RBSN: variants seen among roughly 807,000 people sequenced by gnomAD.
The protein encoded by RBSN is rabenosyn-5.
In RBSN, 34 loss-of-function variants were observed where a neutral mutation model predicts 60.5. The ratio of observed to expected loss-of-function variants is 0.56; its 90% CI spans 0.43 to 0.75. The LOEUF is 0.75. Ranked by LOEUF, RBSN falls within the 30% of genes least tolerant of loss-of-function variation. The pLI is 0.00. For synonymous variants in RBSN, 322 were observed against 366.9 expected (o/e 0.88, Z 1.40); for missense variants, 845 against 986.8 (o/e 0.86, Z 1.92).
At chr3:15,098,590 A>G (rs888640522) in intron 1 of RBSN, among the ~76,000 whole-genome samples, 4 of 152,014 alleles carry the variant, frequency 2.6e-5, no homozygotes, top group Admixed American at 2.0e-4. Context: ...CACGATCGCA[A>G]CCACAACCCA....
Position 15,080,778 on chromosome 3 carries a change from C to T in RBSN, c.865G>A (p.Val289Ile). The T allele has an allele frequency of 6.2e-7, 1 of 1,614,126 alleles. No homozygotes were observed. The highest frequency in any genetic ancestry group is 8.5e-7 in the Non-Finnish European group (1 of 1,180,020). The change falls in exon 10 of 14, where the codon GTT becomes ATT. Residue 289 changes from valine (V) to isoleucine (I), a missense_variant. Coordinates refer to ENST00000253699, the MANE Select transcript of RBSN (RefSeq NM_022340.4). Reference sequence around the variant, plus strand: ...ATGTATTCTGGAGCTTTCTGGTCAACTTTCTCCATGCAAAGTCGTAATTTC... The same window carrying T: ...ATGTATTCTGGAGCTTTCTGGTCAATTTTCTCCATGCAAAGTCGTAATTTC... ...YEKLRLCMEKVDQKAPEYIRM... is the reference protein window; with the variant it reads ...YEKLRLCMEKIDQKAPEYIRM...
At chr3:15,090,663 AT>A in intron 4 of RBSN, 124 bp from the exon 5 acceptor site, 1 of 1,357,692 alleles carries the variant, frequency 7.4e-7, no homozygotes, top group Non-Finnish European at 9.9e-7. Context: ...CACCAGAAAT[AT>A]TTAGATCTCA....
Position 15,073,767 on chromosome 3 carries a change from C to A in RBSN, c.*15G>T. 1 of 1,584,798 alleles carries A rather than the reference C, an allele frequency of 6.3e-7. No homozygotes were observed. Among genetic ancestry groups the A allele is most frequent in the Non-Finnish European group, 8.6e-7 (1 of 1,166,600 alleles). ...GCCAGACCCCTGGGCCCAAAGGTGC[C>A]CTCTCCACTGCTGGTCAGTCAGTGC... is the stretch of plus-strand genomic sequence containing the variant. On this transcript the variant is annotated 3_prime_UTR_variant, in exon 14 of 14. Coordinates refer to ENST00000253699, the MANE Select transcript of RBSN (RefSeq NM_022340.4).
At chr3:15,080,642 A>C in intron 10 of RBSN, 90 bp downstream of exon 10, 2 of 1,321,988 alleles carry the variant, frequency 1.5e-6, no homozygotes, top group Non-Finnish European at 2.1e-6. Context: ...GGTTGAAGTT[A>C]AGATTTTCAT....
intron 12 of RBSN, 36 bp from the exon 13 acceptor site, chr3:15,075,746 C>T (rs2125153521): frequency 6.4e-7 from 1 of 1,560,322 alleles, no homozygotes; most frequent in Admixed American, 1.7e-5. Flanking sequence ...CACTTAAACC[C>T]TTTTAGAGAA....
At chr3:15,092,074 G>A (rs888155945) in intron 4 of RBSN, among the ~76,000 whole-genome samples, 7 of 151,704 alleles carry the variant, frequency 4.6e-5, no homozygotes, top group Admixed American at 2.0e-4. Context: ...CTGGAGTGCA[G>A]TGGCTGATCA....
rs1196545624 is a variant in RBSN, at chr3:15,073,861, A to G, written c.2276T>C (p.Leu759Pro). The G allele has an allele frequency of 2.5e-6, 4 of 1,613,864 alleles. No homozygotes were observed. The highest frequency in any genetic ancestry group is 3.4e-6 in the Non-Finnish European group (4 of 1,179,996). ...YIFDAKQCGR[L>P]DEVEVLTENL... ...CTCTGTCAGCACCTCTACCTCATCC[A>G]GGCGGCCGCACTGCTTGGCATCAAA... The change falls in exon 14 of 14, where the codon CTG (leucine) becomes CCG (proline). Residue 759 changes from leucine to proline, a missense_variant. Leu to Pro is a moderately conservative substitution (Grantham distance 98). Transcript: ENST00000253699.
At position 15,090,520 on chromosome 3, in the gene RBSN, T is replaced by C. The variant is rs2043484621; in HGVS notation, c.168A>G (p.Lys56=). 6.2e-7 allele frequency: 1 copy of C among 1,614,204 alleles called. No individual in the cohort carries two copies. The highest frequency in any genetic ancestry group is 1.1e-5 in the South Asian group (1 of 91,078). ...GQIKSLVQKA[K]KAKDRLLKRE... is the part of the protein sequence containing the mutation. ...GTTTCAACAACCTGTCCTTTGCTTT[T>C]TTAGCCTTCTGGACAAGACCTTGAA... The change falls in exon 5 of 14, where the codon AAA becomes AAG. Residue 56 remains lysine, a synonymous_variant. Coordinates refer to ENST00000253699, the MANE Select transcript of RBSN (RefSeq NM_022340.4).
At position 15,078,176 on chromosome 3, in the gene RBSN, G is replaced by A; in HGVS notation, c.912-15C>T. On this transcript the variant is annotated splice_polypyrimidine_tract_variant and intron_variant, in intron 10 of 13. Transcript: ENST00000253699. ...TCTCCCCAGCACTAAGGAGAAACCA[G>A]AGACACGTGACCTAAGTTTCATGGT... 1.2e-6 allele frequency: 2 copies of A among 1,611,860 alleles called. No homozygotes were observed. Among genetic ancestry groups the A allele is most frequent in the Non-Finnish European group, 1.7e-6 (2 of 1,177,918 alleles).
chr3:15,089,481 A>AC (rs1179029230), intron 5 of RBSN, among the ~76,000 whole-genome samples: 240 of 145,894 alleles, frequency 1.6e-3, no homozygotes, highest in African/African-American at 6.3e-3. Context: ...AAAAAAACAA[A>AC]AAAAAAAAAC....
chr3:15,097,777 T>A (rs902404488), intron 2 of RBSN, among the ~76,000 whole-genome samples: 2 of 151,932 alleles, frequency 1.3e-5, no homozygotes, highest in African/African-American at 4.8e-5. Context: ...GGATGGACTG[T>A]AGAAGACCAC....
Position 15,077,287 on chromosome 3 carries a change from A to T in RBSN, c.999-123T>A. On this transcript the variant is annotated intron_variant, in intron 11 of 13. Coordinates refer to ENST00000253699, the MANE Select transcript of RBSN (RefSeq NM_022340.4). This position sits in a 1 kb window ranked among gnomAD's most constrained non-coding sequence, Gnocchi z 4.4. ...GAAGGTGTGTAAAGATGGACAAGTG[A>T]CTCCATTGAAGTTTCTTTGAAGGCA... 1 of 803,212 alleles carries T rather than the reference A, an allele frequency of 1.2e-6. No individual in the cohort carries two copies. The highest frequency in any genetic ancestry group is 2.1e-6 in the Non-Finnish European group (1 of 482,812). The allele number at this position is 803,212 out of a possible 1,614,324, so 49.8% of individuals were successfully genotyped here.
chr3:15,080,446 T>C (rs1423230272), intron 10 of RBSN, among the ~76,000 whole-genome samples: 5 of 152,220 alleles, frequency 3.3e-5, no homozygotes, highest in Middle Eastern at 3.4e-3. Flanking sequence ...GCAGTACCTA[T>C]TGTCTGAGGC....
rs757785100 is a variant in RBSN at position 15,074,524 on chromosome 3, C to T, written c.1613G>A (p.Arg538Gln). ...AGTCCGTGTGTGCAGGGATGCCACC[C>T]GAAACTGCTCCCTTTCTCGTTCCAA... ...RELEREREQFRVASLHTRTRS... is the reference protein window; with the variant it reads ...RELEREREQFQVASLHTRTRS... Residue 538 changes from arginine to glutamine, a missense_variant, in exon 14 of 14, where the codon CGG becomes CAG. By Grantham distance (43) the Arg-to-Gln change is conservative (BLOSUM62 1). Coordinates refer to ENST00000253699, the MANE Select transcript of RBSN (RefSeq NM_022340.4). The surrounding 1 kb of genome is among the most constrained non-coding windows in gnomAD (Gnocchi z 6.4). 8.1e-6 allele frequency: 13 copies of T among 1,614,056 alleles called. No homozygotes were observed. Among genetic ancestry groups the T allele is most frequent in the Non-Finnish European group, 1.0e-5 (12 of 1,180,042 alleles).
chr3:15,073,972 A>G lies in RBSN; in HGVS notation c.2165T>C (p.Met722Thr), dbSNP rs746899955. Residue 722 changes from methionine (M) to threonine (T), a missense_variant, in exon 14 of 14, where the codon ATG becomes ACG. Physicochemically the swap from Met to Thr is moderately conservative, Grantham distance 81. Coordinates refer to ENST00000253699, the MANE Select transcript of RBSN (RefSeq NM_022340.4). ...EEPTCINPFE[M>T]DSDSGPEAEE... ...AGCCTCTGGCCCACTGTCACTGTCC[A>G]TCTCAAAGGGGTTGATACAGGTGGG... 53 of 1,613,898 alleles carry G rather than the reference A, an allele frequency of 3.3e-5. No homozygotes were observed. Among genetic ancestry groups the G allele is most frequent in the Admixed American group, 5.0e-5 (3 of 59,998 alleles).
In RBSN at chr3:15,096,002, TC is replaced by T; in HGVS notation, c.118del (p.Glu40LysfsTer24). On this transcript the variant is annotated frameshift_variant, in exon 4 of 14. Transcript: ENST00000253699. LOFTEE classifies it high-confidence loss of function. ...HSHYEEEHSG[E>X]DRDVKGQIKS... ...AATTTGCCCTTTGACATCACGGTCT[TC>T]CCCTGAGTGTTCTTCCTCGTAATGT... 1 of 1,614,212 alleles carries T rather than the reference TC, an allele frequency of 6.2e-7. No individual in the cohort carries two copies. Among genetic ancestry groups the T allele is most frequent in the Non-Finnish European group, 8.5e-7 (1 of 1,180,034 alleles).
At chr3:15,091,444 G>A in intron 4 of RBSN, 1 of 1,283,120 alleles carries the variant, frequency 7.8e-7, no homozygotes, top group Non-Finnish European at 1.0e-6. Flanking sequence ...CGCACTTATT[G>A]AATGCATGTG....
rs1283907613 is a variant in RBSN, at chr3:15,082,242, C to G, written c.840+125G>C. ...GGGAAATCATAACATGGGCCTTTAA[C>G]AGGAACTACAAATAATTCAAACGAA... On this transcript the variant is annotated intron_variant, in intron 9 of 13. Coordinates refer to ENST00000253699, the MANE Select transcript of RBSN (RefSeq NM_022340.4). The surrounding 1 kb of genome is among the most constrained non-coding windows in gnomAD (Gnocchi z 4.2). 7.6e-7 allele frequency: 1 copy of G among 1,308,152 alleles called. No homozygotes were observed. The highest frequency in any genetic ancestry group is 1.1e-6 in the Non-Finnish European group (1 of 944,526). 81.0% of individuals were successfully genotyped at this position (1,308,152 alleles called of 1,614,324 possible). A position where few individuals can be genotyped will look rare whatever the true frequency, so the allele number is the denominator to read the frequency against.
chr3:15,095,505 T>C (rs990754813), intron 4 of RBSN, among the ~76,000 whole-genome samples: 2 of 152,246 alleles, frequency 1.3e-5, no homozygotes, highest in African/African-American at 4.8e-5. Flanking sequence ...TTCCTTTTTC[T>C]GGGCTATAGA....
Sources: gnomAD v4.1 joint callset for allele counts (sites outside exome capture counted in the v4.1 genomes callset) on GRCh38, gnomAD v4.1.1 for gene constraint, Gnocchi (gnomAD v3.1) non-coding constraint, MANE v1.5 for transcripts, NCBI Gene and HGNC (gene_info 2026-07-23, HGNC 2026-07-21) for gene names.